MYH11: variants seen among roughly 807,000 people sequenced by gnomAD.
The protein encoded by MYH11 is myosin heavy chain 11, also known as myosin-11.
A neutral mutation model predicts 246.6 loss-of-function variants in MYH11; 80 were observed. That is an observed-to-expected ratio of 0.32 (90% CI 0.27 to 0.39). The LOEUF is 0.39. Among genes scored for constraint, MYH11 ranks in the 10% least tolerant of loss-of-function variants. The pLI is 1.00. For missense variants in MYH11, 2,158 were observed against 2,546.8 expected, an observed-to-expected ratio of 0.85 and a Z score of 3.29; for synonymous variants, 1,071 against 1,015.5, an observed-to-expected ratio of 1.05 and a Z score of -1.04.
intron 4 of MYH11, among the ~76,000 whole-genome samples, chr16:15,788,181 AT>A (rs2042522921): frequency 6.7e-6 from 1 of 148,206 alleles, no homozygotes; most frequent in African/African-American, 2.5e-5. Context: ...TACTGCCTCT[AT>A]GTTCCACCAC....
intron 7 of MYH11, among the ~76,000 whole-genome samples, chr16:15,778,521 C>A (rs958751674): frequency 2.0e-5 from 3 of 152,096 alleles, no homozygotes; most frequent in African/African-American, 7.2e-5. Flanking sequence ...AGTAACCAGC[C>A]CAAGGTCACT....
intron 1 of MYH11, among the ~76,000 whole-genome samples, chr16:15,842,482 C>T (rs1023411033): frequency 2.6e-5 from 4 of 152,012 alleles, no homozygotes; most frequent in African/African-American, 7.2e-5. Flanking sequence ...AAAGTGGCGG[C>T]TAGGTGCGGT....
chr16:15,711,686 C>T (rs2039804073), intron 40 of MYH11, among the ~76,000 whole-genome samples: 2 of 152,036 alleles, frequency 1.3e-5, no homozygotes, highest in Non-Finnish European at 2.9e-5. Flanking sequence ...CTGGTGCTGT[C>T]CTAGACACTG....
chr16:15,775,282 A>G (rs2042193395), intron 8 of MYH11, among the ~76,000 whole-genome samples: 1 of 152,240 alleles, frequency 6.6e-6, no homozygotes, highest in Non-Finnish European at 1.5e-5. Context: ...ACTTCTGCAC[A>G]CTGCCTGTTT....
chr16:15,826,515 G>C (rs1176984382), intron 2 of MYH11, among the ~76,000 whole-genome samples: 1 of 151,918 alleles, frequency 6.6e-6, no homozygotes, highest in Admixed American at 6.6e-5. Flanking sequence ...CTTAAGCCTG[G>C]GAGGTTGAGG....
At position 15,720,984 on chromosome 16, in the gene MYH11, T is replaced by G; in HGVS notation, c.4646A>C (p.Glu1549Ala). The G allele has an allele frequency of 6.2e-7, 1 of 1,614,092 alleles. No individual in the cohort carries two copies. The change falls in exon 33 of 41, where the codon GAA (glutamate) becomes GCA (alanine). Residue 1549 changes from glutamate (E) to alanine (A), a missense_variant. This residue lies in a region of MYH11 where 1,013 missense variants were observed against 993.5 expected (regional missense o/e 1.02). Coordinates refer to ENST00000300036, the MANE Select transcript of MYH11 (RefSeq NM_002474.3). Reference protein sequence around the residue: ...TQMEEMKTQLEELEDELQATE... With the variant: ...TQMEEMKTQLAELEDELQATE... Reference sequence around the variant, plus strand: ...GGCTTGCAGCTCGTCCTCCAGCTCTTCCAGCTGCGTCTTCATCTCCTCCAT... The same window carrying G: ...GGCTTGCAGCTCGTCCTCCAGCTCTGCCAGCTGCGTCTTCATCTCCTCCAT...
rs182730367 is a variant in MYH11 at position 15,849,458 on chromosome 16, T to C, written c.-18+7483A>G. Among the ~76,000 whole-genome samples, 401 of 152,326 alleles carry C rather than the reference T, an allele frequency of 2.6e-3. No individual in the cohort carries two copies. In the Middle Eastern group the frequency reaches 0.037, roughly 14 times the overall value. ...CCAACAACTGCTTCATTCTTTTTTT[T>C]TGAGACAGGGTCTGGCTCTGTTGCC... On this transcript the variant is annotated intron_variant, in intron 1 of 40. Transcript: ENST00000300036.
chr16:15,809,753 T>C (rs181049043), intron 3 of MYH11, among the ~76,000 whole-genome samples: 31 of 149,486 alleles, frequency 2.1e-4, no homozygotes, highest in African/African-American at 7.5e-4. Flanking sequence ...CAAAACCTCA[T>C]CTCTACAAAA....
At chr16:15,733,043 C>G in intron 26 of MYH11, 1 of 390,502 alleles carries the variant, frequency 2.6e-6, no homozygotes, top group South Asian at 2.7e-5. Flanking sequence ...ATATGCCAGG[C>G]CCTGAGCTAA....
intron 10 of MYH11, 54 bp downstream of exon 10, chr16:15,763,742 C>CCA: frequency 1.6e-5 from 10 of 627,772 alleles, no homozygotes; most frequent in South Asian, 4.3e-5. Flanking sequence ...AATGTCACCT[C>CCA]CCCCACCCCC....
At chr16:15,717,904 T>G (rs2040250118) in intron 37 of MYH11, 1 of 307,238 alleles carries the variant, frequency 3.3e-6, no homozygotes, top group South Asian at 3.4e-5. Flanking sequence ...CTGTTCACCC[T>G]ACACCACAAG....
intron 22 of MYH11, chr16:15,741,259 G>T (rs1447620586): frequency 3.0e-6 from 2 of 656,454 alleles, no homozygotes; most frequent in African/African-American, 1.8e-5. Flanking sequence ...CACATGCAAG[G>T]CAGGGCAATA....
At chr16:15,767,117 G>C (rs533983164) in intron 9 of MYH11, among the ~76,000 whole-genome samples, 2 of 152,072 alleles carry the variant, frequency 1.3e-5, no homozygotes, top group East Asian at 3.9e-4. Context: ...TAGAGGATGG[G>C]TTCATGGATG....
At chr16:15,767,222 G>A (rs1019312905) in intron 9 of MYH11, among the ~76,000 whole-genome samples, 3 of 152,060 alleles carry the variant, frequency 2.0e-5, no homozygotes, top group Non-Finnish European at 4.4e-5. Context: ...ATGGATTGAT[G>A]GATGAATCAT....
At chr16:15,792,924 G>A (rs1449214108) in intron 4 of MYH11, among the ~76,000 whole-genome samples, 1 of 151,992 alleles carries the variant, frequency 6.6e-6, no homozygotes, top group African/African-American at 2.4e-5. Context: ...TTGTAGAGAG[G>A]GGGTTTGGCC....
At chr16:15,832,494 C>T (rs1020240262) in intron 2 of MYH11, among the ~76,000 whole-genome samples, 1 of 152,190 alleles carries the variant, frequency 6.6e-6, no homozygotes, top group African/African-American at 2.4e-5. Context: ...GAGCAAAAAG[C>T]CCATCTCACA....
At chr16:15,759,822 G>T in intron 11 of MYH11, 94 bp from the exon 12 acceptor site, 1 of 1,494,112 alleles carries the variant, frequency 6.7e-7, no homozygotes, top group Non-Finnish European at 9.1e-7. Flanking sequence ...TCTTGGCCGG[G>T]TGCAGTGACT....
At chr16:15,854,525 G>T (rs1211464278) in intron 1 of MYH11, among the ~76,000 whole-genome samples, 1 of 152,148 alleles carries the variant, frequency 6.6e-6, no homozygotes, top group African/African-American at 2.4e-5. Flanking sequence ...TACTCTAAAG[G>T]GTTGTTATGA....
At chr16:15,735,614 G>A in intron 25 of MYH11, 36 bp from the exon 26 acceptor site, 1 of 1,611,298 alleles carries the variant, frequency 6.2e-7, no homozygotes, top group Non-Finnish European at 8.5e-7. Context: ...GAACCCCCAG[G>A]TCCCTTGGTT....
Sources: gnomAD v4.1 joint callset for allele counts (sites outside exome capture counted in the v4.1 genomes callset) on GRCh38, gnomAD v4.1.1 for gene constraint, gnomAD v4.1.1 regional missense constraint, MANE v1.5 for transcripts, NCBI Gene and HGNC (gene_info 2026-07-23, HGNC 2026-07-21) for gene names.